The following DNAH6 variants were observed in gnomAD, a reference collection of about 807,000 sequenced individuals.
DNAH6 encodes the protein axonemal beta dynein heavy chain 6.
A neutral mutation model predicts 491.4 loss-of-function variants in DNAH6; 340 were observed. That is an observed-to-expected ratio of 0.69 (90% CI 0.63 to 0.76). The LOEUF (loss-of-function observed/expected upper bound fraction) is 0.76. Ranked by LOEUF, DNAH6 falls within the 30% of genes least tolerant of loss-of-function variation. DNAH6 has a pLI of 0.00. For missense variants in DNAH6, 4,443 were observed against 4,972.2 expected, an observed-to-expected ratio of 0.89 and a Z score of 3.20; for synonymous variants, 1,603 against 1,686.1, an observed-to-expected ratio of 0.95 and a Z score of 1.21.
chr2:84,686,000 A>C (rs1320401977), intron 43 of DNAH6, among the ~76,000 whole-genome samples: 1 of 152,154 alleles, frequency 6.6e-6, no homozygotes, highest in Non-Finnish European at 1.5e-5. Flanking sequence ...CAGTCTGGCC[A>C]ATGTAGTGAA....
At chr2:84,730,377 T>C (rs1699025167) in intron 61 of DNAH6, among the ~76,000 whole-genome samples, 1 of 152,192 alleles carries the variant, frequency 6.6e-6, no homozygotes, top group African/African-American at 2.4e-5. Context: ...TTTCTGCAAA[T>C]TGAGGTCTCC....
intron 68 of DNAH6, among the ~76,000 whole-genome samples, chr2:84,788,898 G>A (rs554387872): frequency 2.1e-4 from 32 of 152,246 alleles, no homozygotes; most frequent in African/African-American, 7.0e-4. Flanking sequence ...TACAAATTTG[G>A]ATCTTCATCT....
the DNAH6 span, among the ~76,000 whole-genome samples, chr2:84,505,189 G>A: frequency 6.6e-6 from 1 of 152,032 alleles, no homozygotes; most frequent in Non-Finnish European, 1.5e-5. Flanking sequence ...ACTGATTTTT[G>A]TGGGTTGATC....
At chr2:84,517,786 T>C (rs1480105488) in intron 1 of DNAH6, 33 bp from the exon 2 acceptor site, 1 of 1,502,932 alleles carries the variant, frequency 6.7e-7, no homozygotes, top group Non-Finnish European at 9.0e-7. Flanking sequence ...TGATCTACTT[T>C]TCATTTTCTT....
At chr2:84,517,316 T>C (rs553539683) in intron 1 of DNAH6, among the ~76,000 whole-genome samples, 17 of 152,340 alleles carry the variant, frequency 1.1e-4, no homozygotes, top group African/African-American at 3.6e-4. Flanking sequence ...CAAGTGATTG[T>C]CCTGCACGTT....
At chr2:84,555,459 C>T (rs1399642885) in intron 10 of DNAH6, among the ~76,000 whole-genome samples, 1 of 152,106 alleles carries the variant, frequency 6.6e-6, no homozygotes, top group Non-Finnish European at 1.5e-5. Flanking sequence ...TTTATCTGAT[C>T]CTTGATTCTT....
intron 49 of DNAH6, among the ~76,000 whole-genome samples, chr2:84,701,659 G>C (rs1192270): frequency 0.036 from 5,425 of 152,198 alleles, 147 homozygotes; most frequent in South Asian, 0.061. Flanking sequence ...AGAGAGAGAG[G>C]GGGGTGGTGC....
the DNAH6 span, among the ~76,000 whole-genome samples, chr2:84,467,073 G>A: frequency 6.6e-6 from 1 of 152,126 alleles, no homozygotes; most frequent in Non-Finnish European, 1.5e-5. Flanking sequence ...GAAAAACCTG[G>A]TTTGCATTTA....
intron 63 of DNAH6, among the ~76,000 whole-genome samples, chr2:84,746,788 TACAAGCATG>T (rs1217678313): frequency 6.6e-6 from 1 of 152,148 alleles, no homozygotes; most frequent in African/African-American, 2.4e-5. Context: ...TCTGCGGCTG[TACAAGCATG>T]ACACCAGCAT....
chr2:84,464,649 A>T, the DNAH6 span, among the ~76,000 whole-genome samples: 1 of 152,174 alleles, frequency 6.6e-6, no homozygotes, highest in Admixed American at 6.5e-5. Context: ...CCCTTTTTAG[A>T]CCATATAGGG....
At position 84,658,436 on chromosome 2, in the gene DNAH6, T is replaced by G; in HGVS notation, c.5902T>G (p.Ser1968Ala). ...KVTTLCCLLE[S>A]LILGKDGVNL... Reference sequence around the variant, plus strand: ...TACTACACTCTGTTGCTTATTGGAGTCCTTGATACTTGGGAAAGATGGAGT... The same window carrying G: ...TACTACACTCTGTTGCTTATTGGAGGCCTTGATACTTGGGAAAGATGGAGT... Residue 1968 changes from serine to alanine, a missense_variant, in exon 36 of 77, where the codon TCC (serine) becomes GCC (alanine). Coordinates refer to ENST00000389394, the MANE Select transcript of DNAH6 (RefSeq NM_001370.2). 2.0e-6 allele frequency: 3 copies of G among 1,532,158 alleles called. No homozygotes were observed. Among genetic ancestry groups the G allele is most frequent in the Non-Finnish European group, 2.6e-6 (3 of 1,138,252 alleles). The allele number at this position is 1,532,158 out of a possible 1,614,324, so 94.9% of individuals were successfully genotyped here. A position where few individuals can be genotyped will look rare whatever the true frequency, so the allele number is the denominator to read the frequency against.
At chr2:84,602,106 A>G (rs1685307178) in intron 18 of DNAH6, among the ~76,000 whole-genome samples, 1 of 151,736 alleles carries the variant, frequency 6.6e-6, no homozygotes, top group Admixed American at 6.6e-5. Flanking sequence ...TGCTCCAGAC[A>G]GTTATCTTTT....
intron 35 of DNAH6, among the ~76,000 whole-genome samples, chr2:84,656,149 G>A (rs527858895): frequency 1.3e-5 from 2 of 151,912 alleles, no homozygotes; most frequent in South Asian, 2.1e-4. Flanking sequence ...TTTCTTTTTA[G>A]CATTGGATAA....
chr2:84,710,491 C>CA, intron 56 of DNAH6, 79 bp downstream of exon 56: 1 of 1,407,522 alleles, frequency 7.1e-7, no homozygotes, highest in Non-Finnish European at 9.8e-7. Flanking sequence ...GCCACATCCC[C>CA]ATCATGCTAA....
intron 23 of DNAH6, among the ~76,000 whole-genome samples, chr2:84,617,541 A>T (rs113441790): frequency 4.0e-5 from 6 of 151,834 alleles, no homozygotes; most frequent in African/African-American, 1.4e-4. Context: ...CCCCAGCCCC[A>T]ACCCTTCCAC....
At position 84,637,271 on chromosome 2, in the gene DNAH6, T is replaced by A. The variant is rs1688973989; in HGVS notation, c.4715T>A (p.Ile1572Asn). ...IKLVMTCAAFITMNPGYAGRT... is the reference protein window; with the variant it reads ...IKLVMTCAAFNTMNPGYAGRT... ...TTGGTGATGACTTGTGCAGCCTTCATCACAATGAATCCTGGCTATGCAGGG... is the reference window on the plus strand; with the variant it reads ...TTGGTGATGACTTGTGCAGCCTTCAACACAATGAATCCTGGCTATGCAGGG... The change falls in exon 31 of 77, where the codon ATC becomes AAC. Residue 1572 changes from isoleucine (I) to asparagine (N), a missense_variant. Coordinates refer to ENST00000389394, the MANE Select transcript of DNAH6 (RefSeq NM_001370.2). The A allele has an allele frequency of 2.6e-6, 4 of 1,551,300 alleles. No homozygotes were observed. The highest frequency in any genetic ancestry group is 3.5e-6 in the Non-Finnish European group (4 of 1,146,728).
At chr2:84,601,755 TTTTA>T (rs1202533132) in intron 18 of DNAH6, among the ~76,000 whole-genome samples, 1 of 151,986 alleles carries the variant, frequency 6.6e-6, no homozygotes, top group Admixed American at 6.5e-5. Context: ...TTGCTAGCTG[TTTTA>T]TTTATTCTAT....
the DNAH6 span, among the ~76,000 whole-genome samples, chr2:84,486,753 A>C: frequency 6.6e-6 from 1 of 152,160 alleles, no homozygotes; most frequent in Non-Finnish European, 1.5e-5. Flanking sequence ...TTATTTCACC[A>C]CATATGCAAT....
At chr2:84,677,787 G>A (rs566944974) in intron 41 of DNAH6, among the ~76,000 whole-genome samples, 1 of 152,280 alleles carries the variant, frequency 6.6e-6, no homozygotes, top group Admixed American at 6.5e-5. Context: ...AACCTGCAAA[G>A]GTTGCTTAGA....
Sources: allele counts gnomAD v4.1 joint callset (sites outside exome capture counted in the v4.1 genomes callset), GRCh38; gene constraint gnomAD v4.1.1; transcripts MANE v1.5; gene names NCBI Gene and HGNC (gene_info 2026-07-23, HGNC 2026-07-21).